Variants in SLC35A3 observed in about 807,000 individuals in gnomAD.
SLC35A3 encodes UDP-N-acetylglucosamine transporter.
In SLC35A3, 26 loss-of-function variants were observed where a neutral mutation model predicts 39.0. That is an observed-to-expected ratio of 0.67 (90% CI 0.49 to 0.92). SLC35A3 has a LOEUF of 0.92. Ranked by LOEUF, SLC35A3 falls within the 40% of genes least tolerant of loss-of-function variation. The pLI, the probability that SLC35A3 is intolerant of heterozygous loss-of-function variation, is 0.00. For synonymous variants in SLC35A3, 135 were observed against 133.1 expected (o/e 1.01, Z -0.10); for missense variants, 299 against 371.6 (o/e 0.80, Z 1.61).
intron 1 of SLC35A3, among the ~76,000 whole-genome samples, chr1:99,991,998 C>A (rs1658117828): frequency 6.6e-6 from 1 of 151,978 alleles, no homozygotes; most frequent in Non-Finnish European, 1.5e-5. Context: ...CTACCTGCCT[C>A]AGCCTCCCAA....
At chr1:99,984,981 A>G (rs2101076462) in intron 1 of SLC35A3, among the ~76,000 whole-genome samples, 1 of 152,116 alleles carries the variant, frequency 6.6e-6, no homozygotes, top group East Asian at 1.9e-4. Context: ...GATTCTGGAT[A>G]TTAGTTGTTT....
intron 1 of SLC35A3, chr1:99,978,983 A>T (rs1657283994): frequency 6.6e-6 from 1 of 152,222 alleles, no homozygotes; most frequent in Non-Finnish European, 1.5e-5. Flanking sequence ...AACGTTATGG[A>T]GAAGATTAGC....
At chr1:99,987,652 C>G (rs566531955) in intron 1 of SLC35A3, among the ~76,000 whole-genome samples, 177 of 152,194 alleles carry the variant, frequency 1.2e-3, no homozygotes, top group Admixed American at 2.2e-3. Flanking sequence ...TGTTGAATCT[C>G]TTTGAATATA....
At chr1:99,977,405 G>T (rs938330428) in intron 1 of SLC35A3, among the ~76,000 whole-genome samples, 9 of 151,316 alleles carry the variant, frequency 5.9e-5, no homozygotes, top group Non-Finnish European at 8.8e-5. Flanking sequence ...GTGGTGGCAG[G>T]TGCCTGTAAT....
intron 2 of SLC35A3, among the ~76,000 whole-genome samples, chr1:99,994,872 A>G (rs1173521539): frequency 1.3e-5 from 2 of 152,246 alleles, no homozygotes; most frequent in Non-Finnish European, 2.9e-5. Flanking sequence ...CTTTTTAAGG[A>G]ACCATCAAAC....
intron 5 of SLC35A3, among the ~76,000 whole-genome samples, chr1:100,014,944 G>T (rs780271516): frequency 9.2e-5 from 14 of 152,210 alleles, no homozygotes; most frequent in Non-Finnish European, 1.8e-4. Context: ...GGATCATGAG[G>T]TCAGGAGATC....
intron 1 of SLC35A3, among the ~76,000 whole-genome samples, chr1:99,978,464 C>G (rs990969012): frequency 7.2e-5 from 11 of 152,172 alleles, no homozygotes; most frequent in Admixed American, 7.2e-4. Flanking sequence ...GAGGTAGAGG[C>G]AGCAGTGAGC....
chr1:99,994,203 A>C (rs1658254812), intron 2 of SLC35A3, among the ~76,000 whole-genome samples: 1 of 152,146 alleles, frequency 6.6e-6, no homozygotes, highest in Non-Finnish European at 1.5e-5. Flanking sequence ...TTTTTGGTAT[A>C]TTTCAATTAT....
chr1:100,005,940 A>T (rs1177736471), intron 3 of SLC35A3, among the ~76,000 whole-genome samples: 1 of 152,174 alleles, frequency 6.6e-6, no homozygotes, highest in Non-Finnish European at 1.5e-5. Context: ...TTACATTGAT[A>T]TCTGTGCATC....
chr1:100,014,808 A>C (rs1659949718), intron 5 of SLC35A3, among the ~76,000 whole-genome samples: 1 of 152,134 alleles, frequency 6.6e-6, no homozygotes, highest in Non-Finnish European at 1.5e-5. Flanking sequence ...TGTAGTCATA[A>C]TATAGTACTA....
intron 6 of SLC35A3, among the ~76,000 whole-genome samples, chr1:100,016,181 C>A (rs1660096741): frequency 6.6e-6 from 1 of 150,996 alleles, no homozygotes; most frequent in South Asian, 2.1e-4. Context: ...TCTCCTGCCT[C>A]AGCCTCCTGA....
At chr1:99,987,517 C>G (rs770537380) in intron 1 of SLC35A3, among the ~76,000 whole-genome samples, 1 of 152,064 alleles carries the variant, frequency 6.6e-6, no homozygotes, top group Middle Eastern at 3.4e-3. Context: ...CTGCATTGTT[C>G]GTGTTTGGAG....
chr1:99,991,466 T>A (rs1349538717), intron 1 of SLC35A3, among the ~76,000 whole-genome samples: 1 of 152,174 alleles, frequency 6.6e-6, no homozygotes, highest in African/African-American at 2.4e-5. Flanking sequence ...TACTGTAGTT[T>A]TATAGTAAGT....
chr1:99,982,297 G>A (rs1055655915), intron 1 of SLC35A3, among the ~76,000 whole-genome samples: 9 of 152,004 alleles, frequency 5.9e-5, no homozygotes, highest in African/African-American at 2.2e-4. Flanking sequence ...CACTGCGTCC[G>A]GCCTGTATTC....
chr1:100,026,532 G>C lies in SLC35A3; in HGVS notation c.*4056G>C, dbSNP rs1553206077. 1 of 151,930 alleles carries C rather than the reference G, an allele frequency of 6.6e-6. No homozygotes were observed. Among genetic ancestry groups the C allele is most frequent in the Non-Finnish European group, 1.5e-5 (1 of 67,962 alleles). The allele number at this position is 151,930 out of a possible 1,614,324, so 9.4% of individuals were successfully genotyped here. ...AGAATAAATACATTTCTATTTTTTT[G>C]GTTGTTTCAACATTAGCTCTTCAAA... On this transcript the variant is annotated 3_prime_UTR_variant, in exon 8 of 8. Coordinates refer to ENST00000533028, the MANE Select transcript of SLC35A3 (RefSeq NM_012243.3).
At position 100,024,771 on chromosome 1, in the gene SLC35A3, C is replaced by A. The variant is rs1409223583; in HGVS notation, c.*2295C>A. On this transcript the variant is annotated 3_prime_UTR_variant, in exon 8 of 8. Transcript: ENST00000533028. ...TAGCTGGGATTGCAGGCGTGAGCCA[C>A]TGCGCCCGGCCTATACTGTATATAT... is the stretch of plus-strand genomic sequence containing the variant. 7.6e-6 allele frequency: 3 copies of A among 396,474 alleles called. No individual in the cohort carries two copies. Among genetic ancestry groups the A allele is most frequent in the Non-Finnish European group, 1.3e-5 (3 of 225,456 alleles). 24.6% of individuals were successfully genotyped at this position (396,474 alleles called of 1,614,324 possible).
chr1:99,970,656 A>G, intron 1 of SLC35A3: 1 of 1,524,482 alleles, frequency 6.6e-7, no homozygotes, highest in Non-Finnish European at 8.8e-7. Context: ...TAAGGCTAGT[A>G]AGAACACAAG....
chr1:99,977,906 A>G (rs11166385), intron 1 of SLC35A3, among the ~76,000 whole-genome samples: 33,469 of 152,102 alleles, frequency 0.22, 5,089 homozygotes, highest in African/African-American at 0.43. Flanking sequence ...TAATGTTAGT[A>G]CGTGGGGAGC....
chr1:99,987,281 T>C (rs1178987014), intron 1 of SLC35A3, among the ~76,000 whole-genome samples: 1 of 152,242 alleles, frequency 6.6e-6, no homozygotes, highest in Non-Finnish European at 1.5e-5. Context: ...AGTGCTATAA[T>C]TTTATTTCAC....
Sources: gnomAD v4.1 joint callset for allele counts (sites outside exome capture counted in the v4.1 genomes callset) on GRCh38, gnomAD v4.1.1 for gene constraint, MANE v1.5 for transcripts, NCBI Gene and HGNC (gene_info 2026-07-23, HGNC 2026-07-21) for gene names.